MGAT4C: variants seen among roughly 807,000 people sequenced by gnomAD.
MGAT4C encodes alpha-1,3-mannosyl-glycoprotein 4-beta-N-acetylglucosaminyltransferase C.
MGAT4C carries 19 observed loss-of-function variants against 40.1 expected under a neutral mutation model. That is an observed-to-expected ratio of 0.47 (90% CI 0.33 to 0.70). MGAT4C has a LOEUF of 0.70. Ranked by LOEUF, MGAT4C falls within the 30% of genes least tolerant of loss-of-function variation. The pLI is 0.02. For missense variants in MGAT4C, 491 were observed against 563.2 expected (o/e 0.87, Z 1.30); for synonymous variants, 181 against 187.1 (o/e 0.97, Z 0.27).
At chr12:86,176,555 T>G (rs955131360) in intron 1 of MGAT4C, among the ~76,000 whole-genome samples, 1 of 152,044 alleles carries the variant, frequency 6.6e-6, no homozygotes, top group Non-Finnish European at 1.5e-5. Flanking sequence ...TTTGACTCTA[T>G]AGATATTTAT....
chr12:86,642,465 C>T (rs1471701541), intron 2 of MGAT4C, among the ~76,000 whole-genome samples: 1 of 151,688 alleles, frequency 6.6e-6, no homozygotes, highest in African/African-American at 2.4e-5. Context: ...ATAGAATACC[C>T]TGTGTTATGT....
chr12:86,215,951 T>C (rs1302778586), intron 1 of MGAT4C, among the ~76,000 whole-genome samples: 1 of 152,132 alleles, frequency 6.6e-6, no homozygotes, highest in Non-Finnish European at 1.5e-5. Flanking sequence ...ATTTGAGCAA[T>C]TTTTACTGAA....
chr12:86,603,751 TATATAA>T (rs1961925541), intron 2 of MGAT4C, among the ~76,000 whole-genome samples: 1 of 130,052 alleles, frequency 7.7e-6, no homozygotes, highest in Admixed American at 8.8e-5. Context: ...CTATATATTA[TATATAA>T]TATATAGTAT....
intron 2 of MGAT4C, among the ~76,000 whole-genome samples, chr12:86,685,046 C>T (rs770583881): frequency 2.2e-4 from 33 of 152,048 alleles, no homozygotes; most frequent in Non-Finnish European, 3.7e-4. Flanking sequence ...TTAATAAGAT[C>T]CCATTTGTCA....
Position 85,978,934 on chromosome 12 carries a change from A to T in MGAT4C, c.*355T>A, listed in dbSNP as rs1376621960. The T allele has an allele frequency of 6.2e-6, 1 of 162,518 alleles. No individual in the cohort carries two copies. Among genetic ancestry groups the T allele is most frequent in the Non-Finnish European group, 1.3e-5 (1 of 74,760 alleles). 10.1% of individuals were successfully genotyped at this position (162,518 alleles called of 1,614,324 possible). A position where few individuals can be genotyped will look rare whatever the true frequency, so the allele number is the denominator to read the frequency against. ...TATAATGAATTATCAGTTCTTGAGG[A>T]AGTATATACAGTTGGTGACTATTTT... is the stretch of plus-strand genomic sequence containing the variant. On this transcript the variant is annotated 3_prime_UTR_variant, in exon 5 of 5. Transcript: ENST00000611864.
intron 2 of MGAT4C, among the ~76,000 whole-genome samples, chr12:86,472,617 G>C (rs1021249470): frequency 6.6e-6 from 1 of 151,488 alleles, no homozygotes; most frequent in African/African-American, 2.4e-5. Flanking sequence ...TTTTCTTCTA[G>C]CTTAAAAGTT....
intron 3 of MGAT4C, among the ~76,000 whole-genome samples, chr12:86,425,410 G>A (rs553612343): frequency 5.3e-5 from 8 of 152,104 alleles, no homozygotes; most frequent in Non-Finnish European, 1.0e-4. Flanking sequence ...TTGCTCTCTT[G>A]CTCTGTCTCT....
At chr12:86,494,840 TAA>T (rs1179835757) in intron 2 of MGAT4C, among the ~76,000 whole-genome samples, 5 of 152,150 alleles carry the variant, frequency 3.3e-5, no homozygotes, top group East Asian at 3.9e-4. Flanking sequence ...AAGTAAAACA[TAA>T]AGTGTTCTTA....
chr12:86,059,192 G>A lies in MGAT4C; in HGVS notation c.-56-9469C>T, dbSNP rs551083976. Among the ~76,000 whole-genome samples the A allele has an allele frequency of 3.9e-5, 6 of 152,110 alleles. No individual in the cohort carries two copies. In the East Asian group the frequency reaches 9.7e-4, roughly 25 times the overall value. On this transcript the variant is annotated intron_variant, in intron 1 of 4. Coordinates refer to ENST00000611864, the MANE Select transcript of MGAT4C (RefSeq NM_001351288.2). ...TGACTGAGTAGCTGTGATTACAGGT[G>A]CCTGCTACCACACTTGACTAATTTT... is the stretch of plus-strand genomic sequence containing the variant.
At chr12:86,480,632 G>GATATGTACACATATACATATGTATGTA (rs1957922156) in intron 2 of MGAT4C, among the ~76,000 whole-genome samples, 2 of 51,348 alleles carry the variant, frequency 3.9e-5, no homozygotes, top group African/African-American at 7.0e-5. Context: ...GTATGTATAA[G>GATATGTACACATATACATATGTATGTA]TAGTTAATGA....
rs1275088480 is a variant in MGAT4C, at chr12:85,968,883, G to A, written c.*10406C>T. ...GGTTAATAATGTTGAGATGAACTGG[G>A]CTTAATATTTCACTAACAAGGTCAG... On this transcript the variant is annotated 3_prime_UTR_variant, in exon 5 of 5. Coordinates refer to ENST00000611864, the MANE Select transcript of MGAT4C (RefSeq NM_001351288.2). 1 of 151,750 alleles carries A rather than the reference G, an allele frequency of 6.6e-6. No homozygotes were observed. The highest frequency in any genetic ancestry group is 1.5e-5 in the Non-Finnish European group (1 of 67,770). 9.4% of individuals were successfully genotyped at this position (151,750 alleles called of 1,614,324 possible). A position where few individuals can be genotyped will look rare whatever the true frequency, so the allele number is the denominator to read the frequency against.
At chr12:86,765,887 C>A (rs1480341035) in intron 1 of MGAT4C, among the ~76,000 whole-genome samples, 1 of 152,184 alleles carries the variant, frequency 6.6e-6, no homozygotes, top group Admixed American at 6.5e-5. Context: ...TGGAAAGGAA[C>A]AACTGGTACC....
At chr12:86,424,175 A>G (rs548623927) in intron 3 of MGAT4C, among the ~76,000 whole-genome samples, 2 of 152,364 alleles carry the variant, frequency 1.3e-5, no homozygotes, top group South Asian at 2.1e-4. Flanking sequence ...TAAAATTAGA[A>G]GAACCTAGGT....
chr12:86,570,225 G>C (rs1312230002), intron 2 of MGAT4C, among the ~76,000 whole-genome samples: 1 of 152,064 alleles, frequency 6.6e-6, no homozygotes, highest in Non-Finnish European at 1.5e-5. Context: ...AAGTAGTGAA[G>C]TAGTGCATAT....
chr12:86,523,148 G>A (rs1958824386), intron 2 of MGAT4C, among the ~76,000 whole-genome samples: 1 of 151,594 alleles, frequency 6.6e-6, no homozygotes, highest in Non-Finnish European at 1.5e-5. Flanking sequence ...TGTGTGTGAT[G>A]TTGTGTGTTG....
At chr12:86,542,528 C>T (rs967116139) in intron 2 of MGAT4C, among the ~76,000 whole-genome samples, 1 of 152,164 alleles carries the variant, frequency 6.6e-6, no homozygotes, top group African/African-American at 2.4e-5. Flanking sequence ...ATTTTTCCTA[C>T]TTCTTTCATG....
chr12:86,157,499 G>T (rs1885093999), intron 1 of MGAT4C, among the ~76,000 whole-genome samples: 1 of 151,944 alleles, frequency 6.6e-6, no homozygotes, highest in East Asian at 1.9e-4. Flanking sequence ...TGTTATGCAG[G>T]TAGATAAAAA....
rs142479583 is a variant in MGAT4C at position 86,550,836 on chromosome 12, G to A, written c.-228-115571C>T. On this transcript the variant is annotated intron_variant, in intron 2 of 7. Transcript: ENST00000548651. ...AAGCAGTTGACATGCACCCTGGCTGGCAGCATAAATACATGCCCACGCCTG... is the reference window on the plus strand; with the variant it reads ...AAGCAGTTGACATGCACCCTGGCTGACAGCATAAATACATGCCCACGCCTG... 3.2e-3 allele frequency among the ~76,000 whole-genome samples: 486 copies of A among 152,316 alleles called. 1 individual carries two copies. The highest frequency in any genetic ancestry group is 0.011 in the African/African-American group (466 of 41,578).
intron 2 of MGAT4C, among the ~76,000 whole-genome samples, chr12:86,453,760 C>T (rs555484132): frequency 1.4e-4 from 21 of 152,068 alleles, no homozygotes; most frequent in South Asian, 8.3e-4. Context: ...ATTCTTATGT[C>T]GGGAAAACAC....
Sources: gnomAD v4.1 joint callset for allele counts (sites outside exome capture counted in the v4.1 genomes callset) on GRCh38, gnomAD v4.1.1 for gene constraint, MANE v1.5 for transcripts, NCBI Gene and HGNC (gene_info 2026-07-23, HGNC 2026-07-21) for gene names.